SYT11: variants seen among roughly 807,000 people sequenced by gnomAD.
SYT11 encodes synaptotagmin 11.
A neutral mutation model predicts 30.4 loss-of-function variants in SYT11; 12 were observed. The ratio of observed to expected loss-of-function variants is 0.39; its 90% CI spans 0.25 to 0.64. The LOEUF is 0.64. SYT11 is among the 30% of genes least tolerant of loss of function. The pLI is 0.45. For missense variants in SYT11, 412 were observed against 552.0 expected, an observed-to-expected ratio of 0.75 and a Z score of 2.54; for synonymous variants, 204 against 216.0, an observed-to-expected ratio of 0.94 and a Z score of 0.49.
Position 155,868,563 on chromosome 1 carries a change from G to C in SYT11, c.633G>C (p.Lys211Asn). ...TILPDKRHRV[K>N]TRVLRKTLDP... ...TTCCTGACAAACGGCATCGGGTGAA[G>C]ACCAGAGTGCTGCGGAAGACCCTGG... Residue 211 changes from lysine (K) to asparagine (N), a missense_variant, in exon 2 of 4, where the codon AAG becomes AAC. Lys to Asn is a moderately conservative substitution (Grantham distance 94, BLOSUM62 0). Coordinates refer to ENST00000368324, the MANE Select transcript of SYT11 (RefSeq NM_152280.5). The surrounding 1 kb of genome is among the most constrained non-coding windows in gnomAD (Gnocchi z 4.7). 6.2e-7 allele frequency: 1 copy of C among 1,614,200 alleles called. No homozygotes were observed. The highest frequency in any genetic ancestry group is 8.5e-7 in the Non-Finnish European group (1 of 1,180,032).
In SYT11 at chr1:155,881,737, AT is replaced by A. The variant is rs113034288; in HGVS notation, c.*237del. ...GCGCTAGAATCTTTTATTTTACTTT[AT>A]TTTTTTTGAGGTGGAGTTTCGCTCT... On this transcript the variant is annotated 3_prime_UTR_variant, in exon 4 of 4. Coordinates refer to ENST00000368324, the MANE Select transcript of SYT11 (RefSeq NM_152280.5). The A allele has an allele frequency of 7.7e-3, 2,900 of 376,788 alleles. 43 individuals carry two copies. The highest frequency in any genetic ancestry group is 0.046 in the East Asian group (1,047 of 22,566). 23.3% of individuals were successfully genotyped at this position (376,788 alleles called of 1,614,324 possible). A position where few individuals can be genotyped will look rare whatever the true frequency, so the allele number is the denominator to read the frequency against.
In SYT11 at chr1:155,881,285, T is replaced by C. The variant is rs756097475; in HGVS notation, c.1073T>C (p.Ile358Thr). 1.9e-6 allele frequency: 3 copies of C among 1,614,144 alleles called. No homozygotes were observed. The highest frequency in any genetic ancestry group is 3.3e-5 in the Admixed American group (2 of 60,020). ...GTGAAGAAGTGCACTTTGAACCCCATCTTCAATGAATCTTTCATCTACGAC... is the reference window on the plus strand; with the variant it reads ...GTGAAGAAGTGCACTTTGAACCCCACCTTCAATGAATCTTTCATCTACGAC... ...THVKKCTLNP[I>T]FNESFIYDIP... is the part of the protein sequence containing the mutation. Residue 358 changes from isoleucine (I) to threonine (T), a missense_variant, in exon 4 of 4, where the codon ATC becomes ACC. Transcript: ENST00000368324.
At chr1:155,871,459 T>C (rs2102560184) in intron 2 of SYT11, among the ~76,000 whole-genome samples, 1 of 152,282 alleles carries the variant, frequency 6.6e-6, no homozygotes. Context: ...AGCTATACAC[T>C]TGCAGCCCAA....
chr1:155,862,608 T>A (rs1452925182), intron 1 of SYT11, among the ~76,000 whole-genome samples: 2 of 152,198 alleles, frequency 1.3e-5, no homozygotes, highest in African/African-American at 4.8e-5. Context: ...TGATGCATTG[T>A]AAATATGTAA....
intron 1 of SYT11, among the ~76,000 whole-genome samples, chr1:155,862,363 A>T (rs1672606560): frequency 6.6e-6 from 1 of 152,216 alleles, no homozygotes; most frequent in Admixed American, 6.5e-5. Flanking sequence ...CTAGGTTTTA[A>T]TATCTTTGAT....
At position 155,868,138 on chromosome 1, in the gene SYT11, A is replaced by T. The variant is rs145916199; in HGVS notation, c.208A>T (p.Ser70Cys). Residue 70 changes from serine (S) to cysteine (C), a missense_variant, in exon 2 of 4, where the codon AGC becomes TGC. Transcript: ENST00000368324. The surrounding 1 kb of genome is among the most constrained non-coding windows in gnomAD (Gnocchi z 4.7). The part of the protein sequence containing the change: ...KGISIYPETL[S>C]NKKKIIKVRR... ...CATCAGCATATACCCAGAGACCCTC[A>T]GCAACAAGAAGAAAATCATCAAAGT... 6.2e-7 allele frequency: 1 copy of T among 1,614,144 alleles called. No individual in the cohort carries two copies. Among genetic ancestry groups the T allele is most frequent in the Non-Finnish European group, 8.5e-7 (1 of 1,180,040 alleles).
intron 1 of SYT11, among the ~76,000 whole-genome samples, chr1:155,866,724 G>A (rs1051781105): frequency 4.0e-5 from 6 of 151,878 alleles, no homozygotes; most frequent in African/African-American, 1.2e-4. Context: ...GGAGAAGATT[G>A]CACTTTTAAA....
Position 155,881,331 on chromosome 1 carries a change from T to C in SYT11, c.1119T>C (p.Pro373=). The C allele has an allele frequency of 1.2e-6, 2 of 1,614,212 alleles. No homozygotes were observed. Among genetic ancestry groups the C allele is most frequent in the Non-Finnish European group, 8.5e-7 (1 of 1,180,042 alleles). ...ACGACATCCCCACTGACCTCCTGCC[T>C]GATATCAGCATCGAGTTCCTCGTTA... ...FIYDIPTDLL[P]DISIEFLVID... The change falls in exon 4 of 4, where the codon CCT becomes CCC. Residue 373 remains proline, a synonymous_variant. Transcript: ENST00000368324.
intron 2 of SYT11, among the ~76,000 whole-genome samples, chr1:155,880,110 A>G (rs1672937277): frequency 6.6e-6 from 1 of 152,068 alleles, no homozygotes; most frequent in African/African-American, 2.4e-5. Flanking sequence ...GAGGATTGCT[A>G]GAGTCCAGGA....
In SYT11 at chr1:155,868,452, G is replaced by C. The variant is rs755470358; in HGVS notation, c.522G>C (p.Leu174=). 3.3e-5 allele frequency: 53 copies of C among 1,613,982 alleles called. 1 individual carries two copies. The South Asian group carries it at 4.1e-4, about 12-fold the overall frequency. Residue 174 remains leucine (L), a synonymous_variant, in exon 2 of 4, where the codon CTG becomes CTC. Coordinates refer to ENST00000368324, the MANE Select transcript of SYT11 (RefSeq NM_152280.5). The surrounding 1 kb of genome is among the most constrained non-coding windows in gnomAD (Gnocchi z 4.7). ...SVDYNFPKKA[L]VVTIQEAHGL... ...ACTATAACTTCCCGAAAAAAGCCCTGGTGGTGACAATCCAGGAGGCCCATG... is the reference window on the plus strand; with the variant it reads ...ACTATAACTTCCCGAAAAAAGCCCTCGTGGTGACAATCCAGGAGGCCCATG...
rs145563404 is a variant in SYT11, at chr1:155,883,603, C to T, written c.*2095C>T. 4.6e-5 allele frequency: 7 copies of T among 152,124 alleles called. No individual in the cohort carries two copies. In the East Asian group the frequency reaches 1.2e-3, roughly 25 times the overall value. The allele number at this position is 152,124 out of a possible 1,614,324, so 9.4% of individuals were successfully genotyped here. On this transcript the variant is annotated 3_prime_UTR_variant, in exon 4 of 4. Transcript: ENST00000368324. The stretch of plus-strand genomic sequence containing the variant: ...GATAGGCAGTAGATATTTTTGCCCA[C>T]CTGAGGAGGAACTCAGTCAAGCTGT...
In SYT11 at chr1:155,867,361, G is replaced by T. The variant is rs796858362; in HGVS notation, c.35-604G>T. On this transcript the variant is annotated intron_variant, in intron 1 of 3. Transcript: ENST00000368324. ...GGTGTGAGCCACTGCACCCAGCCTTGTATTTTATATACCTGGGAGCTAAAA... is the reference window on the plus strand; with the variant it reads ...GGTGTGAGCCACTGCACCCAGCCTTTTATTTTATATACCTGGGAGCTAAAA... Among the ~76,000 whole-genome samples the T allele has an allele frequency of 6.6e-5, 10 of 152,166 alleles. 1 individual carries two copies. Among genetic ancestry groups the T allele is most frequent in the African/African-American group, 2.4e-4 (10 of 41,524 alleles).
chr1:155,880,412 C>T, intron 2 of SYT11, 88 bp from the exon 3 acceptor site: 2 of 1,538,270 alleles, frequency 1.3e-6, no homozygotes, highest in African/African-American at 1.4e-5. Flanking sequence ...CTTGTCCTCC[C>T]CCAGACTCTT....
intron 2 of SYT11, among the ~76,000 whole-genome samples, chr1:155,870,997 T>C (rs182565567): frequency 7.7e-4 from 118 of 152,310 alleles, no homozygotes; most frequent in African/African-American, 2.7e-3. Context: ...AAGGGTTTAT[T>C]GAGGTTATGT....
In SYT11 at chr1:155,860,003, T is replaced by C. The variant is rs1672525527; in HGVS notation, c.34+208T>C. Among the ~76,000 whole-genome samples the C allele has an allele frequency of 6.6e-6, 1 of 152,180 alleles. No homozygotes were observed. Among genetic ancestry groups the C allele is most frequent in the Non-Finnish European group, 1.5e-5 (1 of 68,020 alleles). On this transcript the variant is annotated intron_variant, in intron 1 of 3. Transcript: ENST00000368324. This position sits in a 1 kb window ranked among gnomAD's most constrained non-coding sequence, Gnocchi z 4.1. The stretch of plus-strand genomic sequence containing the variant: ...ATGGGCTGCAGGGACTGGCAGGGCC[T>C]GAGCCACACCGAGGGTGGGGAAGTC...
At chr1:155,876,629 C>T (rs1379336300) in intron 2 of SYT11, among the ~76,000 whole-genome samples, 1 of 152,070 alleles carries the variant, frequency 6.6e-6, no homozygotes, top group African/African-American at 2.4e-5. Context: ...TCCACCCTTT[C>T]CTCCCTCTTC....
rs1325689135 is a variant in SYT11, at chr1:155,868,718, T to A, written c.788T>A (p.Val263Glu). The change falls in exon 2 of 4, where the codon GTG becomes GAG. Residue 263 changes from valine (V) to glutamate (E), a missense_variant. Coordinates refer to ENST00000368324, the MANE Select transcript of SYT11 (RefSeq NM_152280.5). This position sits in a 1 kb window ranked among gnomAD's most constrained non-coding sequence, Gnocchi z 4.7. ...SRDDVIGEVM[V>E]PLAGVDPSTG... ...GATGATGTCATTGGCGAGGTCATGG[T>A]GCCACTGGCAGGGGTGGACCCCAGC... The A allele has an allele frequency of 6.2e-7, 1 of 1,614,104 alleles. No individual in the cohort carries two copies.
chr1:155,869,878 C>T (rs1235086875), intron 2 of SYT11, among the ~76,000 whole-genome samples: 2 of 152,280 alleles, frequency 1.3e-5, no homozygotes, highest in South Asian at 4.1e-4. Flanking sequence ...AACACTTGGG[C>T]TCCAGAATTG....
At chr1:155,871,263 C>G (rs1308186226) in intron 2 of SYT11, among the ~76,000 whole-genome samples, 1 of 152,232 alleles carries the variant, frequency 6.6e-6, no homozygotes, top group Non-Finnish European at 1.5e-5. Flanking sequence ...CTCCCCTCCC[C>G]TGTCCCATCT....
Sources: gnomAD v4.1 joint callset for allele counts (sites outside exome capture counted in the v4.1 genomes callset) on GRCh38, gnomAD v4.1.1 for gene constraint, Gnocchi (gnomAD v3.1) non-coding constraint, MANE v1.5 for transcripts, NCBI Gene and HGNC (gene_info 2026-07-23, HGNC 2026-07-21) for gene names.